MAGI1: variants seen among roughly 807,000 people sequenced by gnomAD.
MAGI1 encodes the protein membrane associated guanylate kinase, WW and PDZ domain containing 1, also known as membrane-associated guanylate kinase, WW and PDZ domain-containing protein 1.
Under a neutral mutation model 139.9 loss-of-function variants are expected in MAGI1, and 58 were observed. The observed-to-expected ratio is 0.41, with a 90% CI of 0.34 to 0.52. The LOEUF (loss-of-function observed/expected upper bound fraction) is 0.52, where lower values mean the gene tolerates loss of function less well. MAGI1 is among the 20% of genes least tolerant of loss of function. The pLI is 0.12. For missense variants in MAGI1, 1,874 were observed against 1,901.6 expected (o/e 0.99, Z 0.27); for synonymous variants, 812 against 737.9 (o/e 1.10, Z -1.63).
intron 3 of MAGI1, among the ~76,000 whole-genome samples, chr3:65,490,763 G>A (rs149601704): frequency 1.4e-5 from 2 of 142,402 alleles, no homozygotes; most frequent in Non-Finnish European, 3.0e-5. Flanking sequence ...AGAATCGCTT[G>A]AACATGGGAG....
intron 14 of MAGI1, among the ~76,000 whole-genome samples, chr3:65,383,830 T>C (rs1483785460): frequency 6.6e-6 from 1 of 152,152 alleles, no homozygotes; most frequent in Non-Finnish European, 1.5e-5. Flanking sequence ...AGCCCTAAAG[T>C]TCTTCACAGG....
chr3:65,812,482 A>ACACACACG (rs1553711434), intron 1 of MAGI1, among the ~76,000 whole-genome samples: 3 of 150,282 alleles, frequency 2.0e-5, no homozygotes, highest in Non-Finnish European at 4.4e-5. Flanking sequence ...ACACACACAC[A>ACACACACG]CACACACACT....
chr3:65,696,342 C>T (rs891104055), intron 1 of MAGI1, among the ~76,000 whole-genome samples: 1 of 152,010 alleles, frequency 6.6e-6, no homozygotes, highest in South Asian at 2.1e-4. Flanking sequence ...TTTTAATTAT[C>T]TGTTTTCTTC....
intron 1 of MAGI1, among the ~76,000 whole-genome samples, chr3:66,027,118 A>T (rs537642081): frequency 6.6e-6 from 1 of 151,920 alleles, no homozygotes; most frequent in South Asian, 2.1e-4. Flanking sequence ...AAATACAAAA[A>T]ATAGCCAGGC....
At chr3:65,682,690 A>C (rs2107521297) in intron 1 of MAGI1, among the ~76,000 whole-genome samples, 1 of 152,338 alleles carries the variant, frequency 6.6e-6, no homozygotes, top group East Asian at 1.9e-4. Flanking sequence ...CCAGAGAAAA[A>C]GTTACTAGGC....
intron 1 of MAGI1, among the ~76,000 whole-genome samples, chr3:65,799,479 T>C (rs2040375599): frequency 6.6e-6 from 1 of 152,198 alleles, no homozygotes; most frequent in Admixed American, 6.5e-5. Flanking sequence ...GGAGAGTCTC[T>C]ATCTGCTGAT....
intron 1 of MAGI1, among the ~76,000 whole-genome samples, chr3:65,623,836 T>C (rs2083817249): frequency 6.6e-6 from 1 of 152,192 alleles, no homozygotes; most frequent in Non-Finnish European, 1.5e-5. Flanking sequence ...TTCTATCTAC[T>C]GTTTCAAGTC....
At chr3:65,618,797 T>G (rs1305611043) in intron 2 of MAGI1, among the ~76,000 whole-genome samples, 1 of 152,168 alleles carries the variant, frequency 6.6e-6, no homozygotes, top group African/African-American at 2.4e-5. Context: ...GAGTCAGTAC[T>G]ACTATTTCCA....
rs1279238495 is a variant in MAGI1 at position 65,923,427 on chromosome 3, A to G, written c.313+114569T>C. ...TTTTTAGTAGAGATGGGGTTTCACC[A>G]TGTTGGTCAGGATGGTCTCGATCTC... On this transcript the variant is annotated intron_variant, in intron 1 of 22. Transcript: ENST00000402939. Among the ~76,000 whole-genome samples the G allele has an allele frequency of 9.9e-5, 15 of 151,982 alleles. No homozygotes were observed. In the East Asian group the frequency reaches 2.9e-3, roughly 30 times the overall value.
At chr3:65,691,404 G>T (rs540122438) in intron 1 of MAGI1, among the ~76,000 whole-genome samples, 1 of 152,054 alleles carries the variant, frequency 6.6e-6, no homozygotes, top group African/African-American at 2.4e-5. Flanking sequence ...CAAAATGTAT[G>T]AAATAGCAAA....
At position 65,356,452 on chromosome 3, in the gene MAGI1, C is replaced by G. The variant is rs769748546; in HGVS notation, c.4315G>C (p.Gly1439Arg). ...REEANLKQDA[G>R]RSSRHPPEQR... ...TCCGGGGGATGTCTGGAACTTCTGC[C>G]GGCATCCTGTTTCAGATTCGCCTCT... Residue 1439 changes from glycine to arginine, a missense_variant, in exon 23 of 23, where the codon GGC becomes CGC. Coordinates refer to ENST00000402939, the MANE Select transcript of MAGI1 (RefSeq NM_001033057.2). The G allele has an allele frequency of 4.3e-6, 7 of 1,611,342 alleles. No individual in the cohort carries two copies. In the South Asian group the frequency reaches 7.7e-5, roughly 18 times the overall value.
chr3:65,669,590 C>T (rs62245030), intron 1 of MAGI1, among the ~76,000 whole-genome samples: 44,785 of 152,134 alleles, frequency 0.29, 7,939 homozygotes, highest in East Asian at 0.58. Context: ...ACTTCCACCG[C>T]TTAGTAGCCA....
intron 2 of MAGI1, among the ~76,000 whole-genome samples, chr3:65,568,903 T>C (rs1413014632): frequency 6.6e-6 from 1 of 152,224 alleles, no homozygotes; most frequent in Non-Finnish European, 1.5e-5. Context: ...CATAATAATA[T>C]CCACGTATAA....
At position 65,792,837 on chromosome 3, in the gene MAGI1, C is replaced by T. The variant is rs548345659; in HGVS notation, c.314-170749G>A. ...TTGGATATTTTCAGACCACAGTTGA[C>T]CGTGTATAACTGACACCACGGAAAG... On this transcript the variant is annotated intron_variant, in intron 1 of 22. Coordinates refer to ENST00000402939, the MANE Select transcript of MAGI1 (RefSeq NM_001033057.2). 7.2e-5 allele frequency among the ~76,000 whole-genome samples: 11 copies of T among 152,174 alleles called. No homozygotes were observed. The South Asian group carries it at 2.3e-3, about 32-fold the overall frequency.
intron 1 of MAGI1, among the ~76,000 whole-genome samples, chr3:65,709,385 G>A (rs2030977128): frequency 6.6e-6 from 1 of 152,156 alleles, no homozygotes; most frequent in African/African-American, 2.4e-5. Flanking sequence ...TATCTTTGAA[G>A]CTGTCTTTTG....
At chr3:65,630,728 G>A (rs879644001) in intron 1 of MAGI1, among the ~76,000 whole-genome samples, 5 of 152,146 alleles carry the variant, frequency 3.3e-5, no homozygotes, top group African/African-American at 9.7e-5. Flanking sequence ...TGAGAGGTGG[G>A]TGAGGGATAA....
chr3:65,794,148 C>A (rs2039971014), intron 1 of MAGI1, among the ~76,000 whole-genome samples: 1 of 152,166 alleles, frequency 6.6e-6, no homozygotes, highest in Non-Finnish European at 1.5e-5. Context: ...GCCAGAAGAT[C>A]TGGAATGGCC....
At chr3:65,763,662 C>T (rs919112121) in intron 1 of MAGI1, among the ~76,000 whole-genome samples, 3 of 151,408 alleles carry the variant, frequency 2.0e-5, no homozygotes, top group African/African-American at 7.3e-5. Context: ...GATATCTGTG[C>T]GCATAAGCAT....
chr3:66,033,533 A>C (rs1032793210), intron 1 of MAGI1, among the ~76,000 whole-genome samples: 1 of 152,222 alleles, frequency 6.6e-6, no homozygotes, highest in African/African-American at 2.4e-5. Context: ...AACAACTCTG[A>C]AAGACAAGGC....
Sources: gnomAD v4.1 joint callset for allele counts (sites outside exome capture counted in the v4.1 genomes callset) on GRCh38, gnomAD v4.1.1 for gene constraint, MANE v1.5 for transcripts, NCBI Gene and HGNC (gene_info 2026-07-23, HGNC 2026-07-21) for gene names.